TRIM52: variants seen among roughly 807,000 people sequenced by gnomAD.
The protein encoded by TRIM52 is E3 ubiquitin-protein ligase TRIM52.
TRIM52 carries 24 observed loss-of-function variants against 27.0 expected under a neutral mutation model. The ratio of observed to expected loss-of-function variants is 0.89; its 90% CI spans 0.64 to 1.25. The LOEUF is 1.25. TRIM52 is among the 50% of genes most tolerant of loss of function. TRIM52 has a pLI of 0.00. For missense variants in TRIM52, 351 were observed against 354.7 expected (o/e 0.99, Z 0.08); for synonymous variants, 125 against 126.5 (o/e 0.99, Z 0.08).
chr5:181,260,353 A>T lies in TRIM52; in HGVS notation c.461T>A (p.Leu154Gln). ...ATCTTCGTCCTCATCGTATGCTTCC[A>T]GTATTTCTTCTTCTCGGTAGACATC... ...RIDVYREEEILEAYDEDEDEE... is the reference protein window; with the variant it reads ...RIDVYREEEIQEAYDEDEDEE... The change falls in exon 1 of 2, where the codon CTG (leucine) becomes CAG (glutamine). Residue 154 changes from leucine (L) to glutamine (Q), a missense_variant. Leu to Gln is a moderately radical substitution (Grantham distance 113, BLOSUM62 -2). Transcript: ENST00000688015. The surrounding 1 kb of genome is among the most constrained non-coding windows in gnomAD (Gnocchi z 4.4). 2 of 1,613,950 alleles carry T rather than the reference A, an allele frequency of 1.2e-6. No individual in the cohort carries two copies. Among genetic ancestry groups the T allele is most frequent in the Non-Finnish European group, 1.7e-6 (2 of 1,179,970 alleles).
downstream of TRIM52, among the ~76,000 whole-genome samples, chr5:181,251,811 T>C (rs2113233163): frequency 6.6e-6 from 1 of 152,292 alleles, no homozygotes; most frequent in African/African-American, 2.4e-5. Context: ...TCTCATTAAC[T>C]CTGTCAGCAC....
downstream of TRIM52, among the ~76,000 whole-genome samples, chr5:181,254,086 C>T (rs1043803171): frequency 1.4e-5 from 2 of 141,322 alleles, no homozygotes; most frequent in Non-Finnish European, 3.0e-5. Context: ...GTCAGGAGAT[C>T]GAGACCATCC....
In TRIM52 at chr5:181,255,209, C is replaced by T. The variant is rs992583184; in HGVS notation, c.*1600G>A. On this transcript the variant is annotated 3_prime_UTR_variant, in exon 2 of 2. Coordinates refer to ENST00000688015, the MANE Select transcript of TRIM52 (RefSeq NM_001346048.2). Reference sequence around the variant, plus strand: ...TAGCCATGTCACTGTTAAGCCTGAACTTTTCTTTCCTGGGTGGTGTGAAAG... The same window carrying T: ...TAGCCATGTCACTGTTAAGCCTGAATTTTTCTTTCCTGGGTGGTGTGAAAG... The T allele has an allele frequency of 8.5e-5, 13 of 152,278 alleles. 1 individual carries two copies. Among genetic ancestry groups the T allele is most frequent in the Admixed American group, 3.9e-4 (6 of 15,294 alleles). 9.4% of individuals were successfully genotyped at this position (152,278 alleles called of 1,614,324 possible).
chr5:181,251,770 TCCTCAGAC>T (rs1360953310), downstream of TRIM52, among the ~76,000 whole-genome samples: 13 of 152,296 alleles, frequency 8.5e-5, no homozygotes, highest in Admixed American at 2.6e-4. Flanking sequence ...CCATCTCCTC[TCCTCAGAC>T]CCTGTTACTC....
intron 1 of TRIM52, chr5:181,257,727 C>A: frequency 3.5e-6 from 1 of 289,112 alleles, no homozygotes; most frequent in Non-Finnish European, 6.5e-6. Flanking sequence ...CATGGTGGCT[C>A]ACATCTGTAA....
At position 181,260,264 on chromosome 5, in the gene TRIM52, G is replaced by A. The variant is rs1204123740; in HGVS notation, c.550C>T (p.Pro184Ser). The A allele has an allele frequency of 6.2e-7, 1 of 1,614,198 alleles. No individual in the cohort carries two copies. Among genetic ancestry groups the A allele is most frequent in the East Asian group, 2.2e-5 (1 of 44,876 alleles). Residue 184 changes from proline to serine, a missense_variant, in exon 1 of 2, where the codon CCC (proline) becomes TCC (serine). By Grantham distance (74) the Pro-to-Ser change is moderately conservative (BLOSUM62 -1). Transcript: ENST00000688015. This position sits in a 1 kb window ranked among gnomAD's most constrained non-coding sequence, Gnocchi z 4.4. ...CGTGTAAAGCTCTTTCGGCACTGGG[G>A]GCAGGTGAACTGCCCTGGAAGGGGC... is the stretch of plus-strand genomic sequence containing the variant. ...SLPLPGQFTC[P>S]QCRKSFTRRS... is the part of the protein sequence containing the mutation.
In TRIM52 at chr5:181,256,717, A is replaced by G; in HGVS notation, c.*92T>C. On this transcript the variant is annotated 3_prime_UTR_variant, in exon 2 of 2. Coordinates refer to ENST00000688015, the MANE Select transcript of TRIM52 (RefSeq NM_001346048.2). ...TTGGAAGATTCCTGTGAATATTTCA[A>G]TACTGTCCAGTCTTAAAGCTGCAGA... 7 of 782,752 alleles carry G rather than the reference A, an allele frequency of 8.9e-6. No individual in the cohort carries two copies. The highest frequency in any genetic ancestry group is 1.1e-5 in the Non-Finnish European group (7 of 645,082). 48.5% of individuals were successfully genotyped at this position (782,752 alleles called of 1,614,324 possible). A position where few individuals can be genotyped will look rare whatever the true frequency, so the allele number is the denominator to read the frequency against.
intron 1 of TRIM52, chr5:181,257,537 T>C: frequency 1.3e-6 from 2 of 1,519,740 alleles, no homozygotes; most frequent in Non-Finnish European, 1.8e-6. Context: ...TGTAACAAAG[T>C]ATATGAAAGA....
In TRIM52 at chr5:181,255,518, A is replaced by G. The variant is rs1327117224; in HGVS notation, c.*1291T>C. Reference sequence around the variant, plus strand: ...ATCGGTATGAAACACATTCTTTCCAAAAGCTACCACTGGTAGATTTTAAGA... The same window carrying G: ...ATCGGTATGAAACACATTCTTTCCAGAAGCTACCACTGGTAGATTTTAAGA... On this transcript the variant is annotated 3_prime_UTR_variant, in exon 2 of 2. Coordinates refer to ENST00000688015, the MANE Select transcript of TRIM52 (RefSeq NM_001346048.2). 1 of 152,188 alleles carries G rather than the reference A, an allele frequency of 6.6e-6. No individual in the cohort carries two copies. The highest frequency in any genetic ancestry group is 1.5e-5 in the Non-Finnish European group (1 of 68,028). The allele number at this position is 152,188 out of a possible 1,614,324, so 9.4% of individuals were successfully genotyped here.
At position 181,260,461 on chromosome 5, in the gene TRIM52, TCTAC is replaced by T. The variant is rs1351658512; in HGVS notation, c.349_352del (p.Val117ThrfsTer19). On this transcript the variant is annotated frameshift_variant, in exon 1 of 2. Coordinates refer to ENST00000688015, the MANE Select transcript of TRIM52 (RefSeq NM_001346048.2). LOFTEE classifies it high-confidence loss of function. This position sits in a 1 kb window ranked among gnomAD's most constrained non-coding sequence, Gnocchi z 4.4. ...TTCTTCCTCCTCGTCCCACATATAG[TCTAC>T]GTTGTCCCAATTAGTTATACCACTG... 6.2e-7 allele frequency: 1 copy of T among 1,613,878 alleles called. No individual in the cohort carries two copies. The highest frequency in any genetic ancestry group is 1.1e-5 in the South Asian group (1 of 91,048).
chr5:181,257,354 T>C (rs1042235457), intron 1 of TRIM52: 5 of 1,521,228 alleles, frequency 3.3e-6, no homozygotes, highest in Non-Finnish European at 3.5e-6. Context: ...GAAATAGCTA[T>C]ATAAATGGAA....
chr5:181,257,039 A>G (rs543599400), intron 1 of TRIM52, 180 bp from the exon 2 acceptor site: 69 of 993,554 alleles, frequency 6.9e-5, no homozygotes, highest in East Asian at 6.5e-4. Flanking sequence ...AGGACAATCC[A>G]GGCATCCAGT....
At position 181,260,767 on chromosome 5, in the gene TRIM52, T is replaced by C; in HGVS notation, c.47A>G (p.Glu16Gly). 1 of 1,612,016 alleles carries C rather than the reference T, an allele frequency of 6.2e-7. No homozygotes were observed. The highest frequency in any genetic ancestry group is 8.5e-7 in the Non-Finnish European group (1 of 1,178,582). Residue 16 changes from glutamate (E) to glycine (G), a missense_variant, in exon 1 of 2, where the codon GAG becomes GGG. Physicochemically the swap from Glu to Gly is moderately conservative, Grantham distance 98. Transcript: ENST00000688015. The surrounding 1 kb of genome is among the most constrained non-coding windows in gnomAD (Gnocchi z 4.4). ...CAAGCAGATGGCACACACCGCTTCC[T>C]CCTGAAGGGTCTGCATGGGGCTGGG... ...TTPSPMQTLQEEAVCAICLDY... is the reference protein window; with the variant it reads ...TTPSPMQTLQGEAVCAICLDY...
downstream of TRIM52, among the ~76,000 whole-genome samples, chr5:181,249,972 A>G (rs1232834845): frequency 6.6e-5 from 10 of 151,878 alleles, no homozygotes; most frequent in Non-Finnish European, 1.3e-4. Context: ...CTGGGACTAC[A>G]TGCCTGGCTA....
chr5:181,258,025 A>AAAT (rs1296314700), intron 1 of TRIM52: 3 of 138,980 alleles, frequency 2.2e-5, no homozygotes, highest in African/African-American at 1.0e-4. Flanking sequence ...ATAAAAATAA[A>AAAT]AAAAGATTTG....
At chr5:181,250,328 G>A (rs1294740824), downstream of TRIM52, among the ~76,000 whole-genome samples, 2 of 152,114 alleles carry the variant, frequency 1.3e-5, no homozygotes, top group Non-Finnish European at 2.9e-5. Context: ...TTGAGGTCAG[G>A]AGTTCAAGAC....
Position 181,260,863 on chromosome 5 carries a change from G to C in TRIM52, c.-50C>G. On this transcript the variant is annotated 5_prime_UTR_variant, in exon 1 of 2. Transcript: ENST00000688015. The surrounding 1 kb of genome is among the most constrained non-coding windows in gnomAD (Gnocchi z 4.4). The stretch of plus-strand genomic sequence containing the variant: ...ATACGTCAGCTTGGAGCTGAGGAGC[G>C]GGGACGCGCCTGCAGGCCTGCCTCC... 2 of 1,531,168 alleles carry C rather than the reference G, an allele frequency of 1.3e-6. No homozygotes were observed. Among genetic ancestry groups the C allele is most frequent in the Non-Finnish European group, 1.8e-6 (2 of 1,138,078 alleles). 94.8% of individuals were successfully genotyped at this position (1,531,168 alleles called of 1,614,324 possible).
In TRIM52 at chr5:181,260,953, C is replaced by A. The variant is rs1304377419; in HGVS notation, c.-140G>T. 3 of 1,289,978 alleles carry A rather than the reference C, an allele frequency of 2.3e-6. No individual in the cohort carries two copies. Among genetic ancestry groups the A allele is most frequent in the Middle Eastern group, 2.7e-4 (1 of 3,680 alleles). The allele number at this position is 1,289,978 out of a possible 1,614,324, so 79.9% of individuals were successfully genotyped here. On this transcript the variant is annotated 5_prime_UTR_variant, in exon 1 of 2. Transcript: ENST00000688015. The surrounding 1 kb of genome is among the most constrained non-coding windows in gnomAD (Gnocchi z 4.4). ...CTTCTTCCTCGGGGCCGCAGGGGAG[C>A]TTTGACCCCCTCTCTCAGGGTGCGA...
rs552190709 is a variant in TRIM52, at chr5:181,260,307, G to A, written c.507C>T (p.Ile169=). The change falls in exon 1 of 2, where the codon ATC becomes ATT. Residue 169 remains isoleucine, a synonymous_variant. Coordinates refer to ENST00000688015, the MANE Select transcript of TRIM52 (RefSeq NM_001346048.2). This position sits in a 1 kb window ranked among gnomAD's most constrained non-coding sequence, Gnocchi z 4.4. The part of the protein sequence containing the change: ...EDEDEELYPD[I]HPPPSLPLPG... Reference sequence around the variant, plus strand: ...GAAGGGGCAAGGAAGGAGGCGGGTGGATGTCAGGATACAGCTCTTCATCTT... The same window carrying A: ...GAAGGGGCAAGGAAGGAGGCGGGTGAATGTCAGGATACAGCTCTTCATCTT... 6.2e-7 allele frequency: 1 copy of A among 1,614,130 alleles called. No individual in the cohort carries two copies. Among genetic ancestry groups the A allele is most frequent in the Admixed American group, 1.7e-5 (1 of 60,026 alleles).
Sources: gnomAD v4.1 joint callset for allele counts (sites outside exome capture counted in the v4.1 genomes callset) on GRCh38, gnomAD v4.1.1 for gene constraint, Gnocchi (gnomAD v3.1) non-coding constraint, MANE v1.5 for transcripts, NCBI Gene and HGNC (gene_info 2026-07-23, HGNC 2026-07-21) for gene names.